The following CKAP5 variants were observed in gnomAD, a reference collection of about 807,000 sequenced individuals.
The protein encoded by CKAP5 is cytoskeleton-associated protein 5.
In CKAP5, 27 loss-of-function variants were observed where a neutral mutation model predicts 232.8. The ratio of observed to expected loss-of-function variants is 0.12; its 90% CI spans 0.09 to 0.16. CKAP5 has a LOEUF of 0.16. Among genes scored for constraint, CKAP5 ranks in the 10% least tolerant of loss-of-function variants. The pLI is 1.00. For missense variants in CKAP5, 1,838 were observed against 2,424.7 expected (o/e 0.76, Z 5.08); for synonymous variants, 785 against 841.1 (o/e 0.93, Z 1.16).
chr11:46,777,155 C>G (rs1465996832), intron 23 of CKAP5, among the ~76,000 whole-genome samples: 2 of 152,076 alleles, frequency 1.3e-5, no homozygotes, highest in African/African-American at 4.8e-5. Flanking sequence ...TAAAATGTAC[C>G]TTACATACAG....
Position 46,744,273 on chromosome 11 carries a change from GAGA to G in CKAP5, c.5857-11_5857-9del, listed in dbSNP as rs757179711. 1.5e-4 allele frequency: 238 copies of G among 1,613,948 alleles called. No homozygotes were observed. Among genetic ancestry groups the G allele is most frequent in the Non-Finnish European group, 1.9e-4 (230 of 1,179,984 alleles). On this transcript the variant is annotated splice_polypyrimidine_tract_variant and intron_variant, in intron 43 of 43. Transcript: ENST00000529230. ...AGGAGGTCGGTCATCTTGCTATTGA[GAGA>G]AGGAGAGAGATTGTCTAAGGTCAGG...
intron 36 of CKAP5, among the ~76,000 whole-genome samples, chr11:46,754,299 A>T (rs1016785013): frequency 1.3e-5 from 2 of 152,164 alleles, no homozygotes; most frequent in Non-Finnish European, 2.9e-5. Flanking sequence ...GCCTGGCCAA[A>T]GTATTTGTTT....
chr11:46,762,262 G>C, intron 31 of CKAP5, 69 bp from the exon 32 acceptor site: 1 of 1,491,208 alleles, frequency 6.7e-7, no homozygotes. Flanking sequence ...CCTTACTAGA[G>C]AAATTTCCCT....
At chr11:46,762,286 G>C in intron 31 of CKAP5, 93 bp from the exon 32 acceptor site, 2 of 1,316,436 alleles carry the variant, frequency 1.5e-6, no homozygotes, top group South Asian at 1.3e-5. Flanking sequence ...CATATATGAA[G>C]GACTAAAACC....
At chr11:46,817,624 GAAGT>G (rs926019091) in intron 3 of CKAP5, among the ~76,000 whole-genome samples, 1 of 152,130 alleles carries the variant, frequency 6.6e-6, no homozygotes, top group Non-Finnish European at 1.5e-5. Flanking sequence ...TATAATCTTT[GAAGT>G]AAGTCAAGTA....
At chr11:46,745,061 A>G (rs2065012602) in intron 42 of CKAP5, among the ~76,000 whole-genome samples, 1 of 152,218 alleles carries the variant, frequency 6.6e-6, no homozygotes, top group Non-Finnish European at 1.5e-5. Context: ...GTGTCCAACA[A>G]TTATCTAAAG....
chr11:46,773,829 C>T (rs1047291414), intron 24 of CKAP5, among the ~76,000 whole-genome samples: 1 of 152,110 alleles, frequency 6.6e-6, no homozygotes, highest in Non-Finnish European at 1.5e-5. Context: ...AGGCATGAGT[C>T]ACTGCACCCA....
rs112595943 is a variant in CKAP5, at chr11:46,776,294, A to G, written c.2952T>C (p.Ser984=). ...AAGGATTTTCCTTTTTGAGCTCTTCAGAAAGATCTTCTCCTTCCAGCCATT... is the reference window on the plus strand; with the variant it reads ...AAGGATTTTCCTTTTTGAGCTCTTCGGAAAGATCTTCTCCTTCCAGCCATT... ...MKEWLEGEDL[S]EELKKENPFL... The change falls in exon 24 of 44, where the codon TCT becomes TCC. Residue 984 remains serine (S), a synonymous_variant. Transcript: ENST00000529230. The G allele has an allele frequency of 5.0e-4, 809 of 1,614,036 alleles. 5 individuals are homozygous for G. The African/African-American group carries it at 9.1e-3, about 18-fold the overall frequency.
intron 1 of CKAP5, among the ~76,000 whole-genome samples, chr11:46,838,484 A>C (rs957668953): frequency 3.3e-5 from 5 of 151,768 alleles, no homozygotes; most frequent in African/African-American, 9.7e-5. Flanking sequence ...AAAAAGAAAA[A>C]AATGACAGCC....
chr11:46,783,976 G>T (rs1324379880), intron 17 of CKAP5, among the ~76,000 whole-genome samples: 1 of 151,878 alleles, frequency 6.6e-6, no homozygotes, highest in Non-Finnish European at 1.5e-5. Context: ...AAAGTGCTGG[G>T]ATTGCAGGTG....
At chr11:46,758,371 C>CG (rs2065126907) in intron 35 of CKAP5, among the ~76,000 whole-genome samples, 3 of 152,152 alleles carry the variant, frequency 2.0e-5, no homozygotes, top group Non-Finnish European at 2.9e-5. Flanking sequence ...TCCTTTCCGT[C>CG]ATTACCCCAT....
At chr11:46,797,679 G>T in intron 11 of CKAP5, 126 bp downstream of exon 11, 1 of 899,390 alleles carries the variant, frequency 1.1e-6, no homozygotes, top group Non-Finnish European at 1.7e-6. Flanking sequence ...AAGCTGCAAA[G>T]GCTCTGCTCC....
chr11:46,801,575 C>G (rs1939031786), intron 8 of CKAP5, among the ~76,000 whole-genome samples: 1 of 151,860 alleles, frequency 6.6e-6, no homozygotes. Context: ...AAGGCTGAGG[C>G]AGGAGAATCA....
At chr11:46,761,151 A>T (rs1320599783) in intron 32 of CKAP5, among the ~76,000 whole-genome samples, 1 of 151,914 alleles carries the variant, frequency 6.6e-6, no homozygotes, top group African/African-American at 2.4e-5. Context: ...CAGGAGGCTG[A>T]AGTCAGAGGA....
chr11:46,745,852 C>T (rs993487112), intron 42 of CKAP5, among the ~76,000 whole-genome samples: 2 of 151,798 alleles, frequency 1.3e-5, no homozygotes, highest in African/African-American at 4.8e-5. Context: ...CTCGGGAGGC[C>T]AAGACATGAG....
chr11:46,822,256 G>A (rs1471726902), intron 1 of CKAP5, among the ~76,000 whole-genome samples: 1 of 152,000 alleles, frequency 6.6e-6, no homozygotes, highest in Non-Finnish European at 1.5e-5. Flanking sequence ...ACTCCAGCAT[G>A]GGCAACAGAG....
intron 24 of CKAP5, 24 bp from the exon 25 acceptor site, chr11:46,771,006 T>C (rs777623721): frequency 2.9e-5 from 46 of 1,594,584 alleles, no homozygotes; most frequent in Non-Finnish European, 3.7e-5. Context: ...TAAAGACTAG[T>C]TACACACTTC....
intron 5 of CKAP5, 75 bp from the exon 6 acceptor site, chr11:46,809,949 T>C (rs899152548): frequency 1.2e-5 from 17 of 1,422,924 alleles, no homozygotes; most frequent in Middle Eastern, 2.0e-4. Flanking sequence ...CTTACATTTA[T>C]TGACATATCA....
intron 13 of CKAP5, among the ~76,000 whole-genome samples, chr11:46,793,060 G>A (rs1938779152): frequency 6.6e-6 from 1 of 152,158 alleles, no homozygotes; most frequent in South Asian, 2.1e-4. Flanking sequence ...GGAGGATCAA[G>A]CAGTGACAAG....
Sources: gnomAD v4.1 joint callset for allele counts (sites outside exome capture counted in the v4.1 genomes callset) on GRCh38, gnomAD v4.1.1 for gene constraint, MANE v1.5 for transcripts, NCBI Gene and HGNC (gene_info 2026-07-23, HGNC 2026-07-21) for gene names.